Variants in AFG2A observed in about 807,000 individuals in gnomAD.
AFG2A encodes the protein ATPase family gene 2 protein homolog A.
chr4:123,206,683 T>A, the AFG2A span, among the ~76,000 whole-genome samples: 1 of 152,198 alleles, frequency 6.6e-6, no homozygotes, highest in East Asian at 1.9e-4. Flanking sequence ...CTAGTAAATG[T>A]CCTGTCTATC....
chr4:123,227,184 GA>G, the AFG2A span, among the ~76,000 whole-genome samples: 2 of 151,980 alleles, frequency 1.3e-5, no homozygotes, highest in Non-Finnish European at 2.9e-5. Flanking sequence ...TTGATTTTTT[GA>G]AAGGTTTTTT....
At chr4:123,202,993 A>C in the AFG2A span, among the ~76,000 whole-genome samples, 1 of 149,852 alleles carries the variant, frequency 6.7e-6, no homozygotes, top group Non-Finnish European at 1.5e-5. Flanking sequence ...GCTGCACTCC[A>C]ACCTGGATGA....
the AFG2A span, among the ~76,000 whole-genome samples, chr4:122,972,392 A>G: frequency 6.6e-6 from 1 of 151,622 alleles, no homozygotes; most frequent in African/African-American, 2.4e-5. Flanking sequence ...CTCTTCTCTC[A>G]TTTTCAGACA....
chr4:122,991,049 G>A, the AFG2A span, among the ~76,000 whole-genome samples: 1 of 152,178 alleles, frequency 6.6e-6, no homozygotes, highest in Non-Finnish European at 1.5e-5. Flanking sequence ...GTGATCAAAA[G>A]GATTTCTTAT....
chr4:122,934,667 G>A, the AFG2A span: 2 of 1,608,518 alleles, frequency 1.2e-6, no homozygotes, highest in South Asian at 1.1e-5. Context: ...GGAGGATTAA[G>A]TAGCCAGCTG....
At chr4:123,191,925 G>A in the AFG2A span, among the ~76,000 whole-genome samples, 1 of 151,936 alleles carries the variant, frequency 6.6e-6, no homozygotes, top group Admixed American at 6.6e-5. Flanking sequence ...TTGTAGGAGC[G>A]TTTAACATCA....
the AFG2A span, chr4:122,938,228 A>C: frequency 6.2e-7 from 1 of 1,603,078 alleles, no homozygotes; most frequent in Non-Finnish European, 8.5e-7. Context: ...CACTCTTAAC[A>C]CTGATGGATG....
chr4:122,938,147 T>A, the AFG2A span: 1 of 1,605,702 alleles, frequency 6.2e-7, no homozygotes, highest in Non-Finnish European at 8.5e-7. Flanking sequence ...TTATTTTTAT[T>A]GATGAGCTGG....
chr4:123,284,327 C>T, the AFG2A span, among the ~76,000 whole-genome samples: 1 of 152,294 alleles, frequency 6.6e-6, no homozygotes, highest in Admixed American at 6.5e-5. Context: ...TTTCTTTTGG[C>T]ATGTCCCTAC....
chr4:123,090,576 C>A, the AFG2A span: 1 of 1,613,330 alleles, frequency 6.2e-7, no homozygotes, highest in African/African-American at 1.3e-5. Flanking sequence ...CTTTCAAAAT[C>A]AGTTCTTTAG....
At chr4:123,009,050 C>T in the AFG2A span, among the ~76,000 whole-genome samples, 2 of 152,158 alleles carry the variant, frequency 1.3e-5, no homozygotes, top group Non-Finnish European at 2.9e-5. Flanking sequence ...GAAGCTGTTA[C>T]ACTCATGGTT....
chr4:122,960,177 A>G, the AFG2A span, among the ~76,000 whole-genome samples: 3 of 152,182 alleles, frequency 2.0e-5, no homozygotes, highest in African/African-American at 7.2e-5. Flanking sequence ...ACATCCTGAC[A>G]TTTAGTGTCT....
chr4:123,003,029 T>A, the AFG2A span, among the ~76,000 whole-genome samples: 147 of 152,294 alleles, frequency 9.7e-4, 1 homozygote, highest in Admixed American at 9.5e-3. Context: ...TCTCTAAACT[T>A]CCCTTCTTGC....
the AFG2A span, among the ~76,000 whole-genome samples, chr4:123,175,193 A>G: frequency 1.3e-5 from 2 of 152,202 alleles, no homozygotes; most frequent in Non-Finnish European, 2.9e-5. Context: ...TTTTTGTTCA[A>G]TGATTAAAGA....
At chr4:123,168,632 T>C in the AFG2A span, among the ~76,000 whole-genome samples, 1 of 152,168 alleles carries the variant, frequency 6.6e-6, no homozygotes, top group Non-Finnish European at 1.5e-5. Context: ...GGATTAGTTA[T>C]GCATAGAATA....
At chr4:122,987,695 ACT>A in the AFG2A span, among the ~76,000 whole-genome samples, 1 of 150,612 alleles carries the variant, frequency 6.6e-6, no homozygotes, top group African/African-American at 2.4e-5. Flanking sequence ...CACAGACTCT[ACT>A]CTTTAATTTC....
At chr4:122,925,864 A>G in the AFG2A span, among the ~76,000 whole-genome samples, 1 of 152,262 alleles carries the variant, frequency 6.6e-6, no homozygotes, top group Non-Finnish European at 1.5e-5. Context: ...TCTTTCATAT[A>G]GTAGGCACAT....
the AFG2A span, among the ~76,000 whole-genome samples, chr4:123,025,009 C>G: frequency 9.2e-5 from 14 of 152,018 alleles, no homozygotes; most frequent in African/African-American, 3.4e-4. Context: ...GGGGAGAGGT[C>G]GAGGACAAGG....
the AFG2A span, among the ~76,000 whole-genome samples, chr4:123,109,103 G>A: frequency 6.6e-6 from 1 of 152,264 alleles, no homozygotes; most frequent in East Asian, 1.9e-4. Context: ...GAGAAAGAGG[G>A]AAGATGGAGG....
Sources: allele counts gnomAD v4.1 joint callset (sites outside exome capture counted in the v4.1 genomes callset), GRCh38; gene constraint gnomAD v4.1.1; transcripts MANE v1.5; gene names NCBI Gene and HGNC (gene_info 2026-07-23, HGNC 2026-07-21).